PPARA: variants seen among roughly 807,000 people sequenced by gnomAD.
PPARA encodes peroxisome proliferator activated receptor alpha.
PPARA carries 22 observed loss-of-function variants against 42.2 expected under a neutral mutation model. The ratio of observed to expected loss-of-function variants is 0.52; its 90% CI spans 0.37 to 0.74. The LOEUF is 0.74. Among genes scored for constraint, PPARA ranks in the 30% least tolerant of loss-of-function variants. The pLI, the probability that PPARA is intolerant of heterozygous loss-of-function variation, is 0.00. For missense variants in PPARA, 465 were observed against 608.2 expected, an observed-to-expected ratio of 0.76 and a Z score of 2.48; for synonymous variants, 242 against 239.3, an observed-to-expected ratio of 1.01 and a Z score of -0.10.
At chr22:46,218,236 T>C (rs755862696) in intron 5 of PPARA, 27 bp from the exon 6 acceptor site, 2 of 1,613,940 alleles carry the variant, frequency 1.2e-6, no homozygotes, top group Admixed American at 3.3e-5. Context: ...CCCAGGTCTT[T>C]AAATCCACTG....
intron 2 of PPARA, among the ~76,000 whole-genome samples, chr22:46,170,484 A>G (rs1927845242): frequency 7.0e-6 from 1 of 143,348 alleles, no homozygotes; most frequent in African/African-American, 2.6e-5. Context: ...CCTGGACTCA[A>G]GGGATCAGCC....
chr22:46,181,730 C>T (rs564158685), intron 3 of PPARA, among the ~76,000 whole-genome samples: 1 of 152,226 alleles, frequency 6.6e-6, no homozygotes, highest in East Asian at 1.9e-4. Context: ...CCCTGGGCAT[C>T]CAGATCAGTT....
Position 46,182,740 on chromosome 22 carries a change from G to A in PPARA, c.-43+5904G>A, listed in dbSNP as rs1187492208. On this transcript the variant is annotated intron_variant, in intron 3 of 8. Transcript: ENST00000407236. This position sits in a 1 kb window ranked among gnomAD's most constrained non-coding sequence, Gnocchi z 5.2. ...CATGTCCATAAAGCTTTCTTTTGTT[G>A]TTTTGTTTTTATTTTATTTTTTGAG... is the stretch of plus-strand genomic sequence containing the variant. Among the ~76,000 whole-genome samples the A allele has an allele frequency of 6.6e-6, 1 of 152,038 alleles. No homozygotes were observed. The highest frequency in any genetic ancestry group is 1.5e-5 in the Non-Finnish European group (1 of 68,014).
intron 4 of PPARA, 61 bp downstream of exon 4, chr22:46,198,652 T>TTC (rs1192229505): frequency 9.4e-5 from 130 of 1,376,832 alleles, no homozygotes; most frequent in Admixed American, 3.3e-4. Flanking sequence ...AAGAAAACTG[T>TTC]TCTCTCTTTT....
At chr22:46,185,636 T>C (rs984761518) in intron 3 of PPARA, among the ~76,000 whole-genome samples, 11 of 151,764 alleles carry the variant, frequency 7.2e-5, no homozygotes, top group African/African-American at 2.7e-4. Flanking sequence ...GGCTCACATC[T>C]GTAATTCCAG....
In PPARA at chr22:46,198,667, T is replaced by A. The variant is rs570658611; in HGVS notation, c.208+76T>A. ...AAGAAAACTGTTCTCTCTTTTTTTT[T>A]TTTTTTTTTTTGAGACGGAGTCTCG... On this transcript the variant is annotated intron_variant, in intron 4 of 8. Coordinates refer to ENST00000407236, the MANE Select transcript of PPARA (RefSeq NM_005036.6). 7 of 1,397,406 alleles carry A rather than the reference T, an allele frequency of 5.0e-6. No homozygotes were observed. The South Asian group carries it at 8.3e-5, about 17-fold the overall frequency. 86.6% of individuals were successfully genotyped at this position (1,397,406 alleles called of 1,614,324 possible). A position where few individuals can be genotyped will look rare whatever the true frequency, so the allele number is the denominator to read the frequency against.
chr22:46,178,066 C>G (rs1929427308), intron 3 of PPARA, among the ~76,000 whole-genome samples: 1 of 151,282 alleles, frequency 6.6e-6, no homozygotes. Flanking sequence ...AGCCAAGGAA[C>G]TATATCAGAA....
chr22:46,173,282 G>A lies in PPARA; in HGVS notation c.-126-3471G>A, dbSNP rs188967797. ...ATTTGTTGTGTTGAATAGGAATGTA[G>A]CTCTGGGAACCTCTAGTTCCAAATA... On this transcript the variant is annotated intron_variant, in intron 2 of 8. Coordinates refer to ENST00000407236, the MANE Select transcript of PPARA (RefSeq NM_005036.6). This position sits in a 1 kb window ranked among gnomAD's most constrained non-coding sequence, Gnocchi z 4.3. Among the ~76,000 whole-genome samples, 2 of 152,304 alleles carry A rather than the reference G, an allele frequency of 1.3e-5. No homozygotes were observed. Among genetic ancestry groups the A allele is most frequent in the Admixed American group, 1.3e-4 (2 of 15,298 alleles).
rs1195520269 is a variant in PPARA at position 46,171,842 on chromosome 22, G to C, written c.-126-4911G>C. Among the ~76,000 whole-genome samples, 1 of 152,180 alleles carries C rather than the reference G, an allele frequency of 6.6e-6. No individual in the cohort carries two copies. Among genetic ancestry groups the C allele is most frequent in the Non-Finnish European group, 1.5e-5 (1 of 68,028 alleles). ...AAGGCCATGGGATGGGGACCAGCGA[G>C]GGCTTCTTAGGGGACTGGATATGCT... On this transcript the variant is annotated intron_variant, in intron 2 of 8. Coordinates refer to ENST00000407236, the MANE Select transcript of PPARA (RefSeq NM_005036.6). This position sits in a 1 kb window ranked among gnomAD's most constrained non-coding sequence, Gnocchi z 5.0.
Position 46,235,350 on chromosome 22 carries a change from A to G in PPARA, c.1377A>G (p.Leu459=), listed in dbSNP as rs1268205297. ...KTESDAALHP[L]LQEIYRDMY ...AGTCGGATGCTGCGCTGCACCCGCT[A>G]CTGCAGGAGATCTACAGGGACATGT... The change falls in exon 9 of 9, where the codon CTA becomes CTG. Residue 459 remains leucine, a synonymous_variant. Coordinates refer to ENST00000407236, the MANE Select transcript of PPARA (RefSeq NM_005036.6). This position sits in a 1 kb window ranked among gnomAD's most constrained non-coding sequence, Gnocchi z 7.0. 6.2e-7 allele frequency: 1 copy of G among 1,613,912 alleles called. No individual in the cohort carries two copies. The highest frequency in any genetic ancestry group is 8.5e-7 in the Non-Finnish European group (1 of 1,179,946).
rs4253683 is a variant in PPARA at position 46,184,144 on chromosome 22, A to G, written c.-43+7308A>G. ...CTATCATTATCAACATCTCTAATTT[A>G]TTGCAGGGTTGGATCTGAAAAATGG... On this transcript the variant is annotated intron_variant, in intron 3 of 8. Transcript: ENST00000407236. The surrounding 1 kb of genome is among the most constrained non-coding windows in gnomAD (Gnocchi z 4.4). 4.5e-3 allele frequency among the ~76,000 whole-genome samples: 689 copies of G among 152,308 alleles called. 5 individuals are homozygous for G. The highest frequency in any genetic ancestry group is 0.016 in the African/African-American group (658 of 41,564).
chr22:46,207,682 T>A (rs1411057487), intron 4 of PPARA, among the ~76,000 whole-genome samples: 6 of 113,206 alleles, frequency 5.3e-5, no homozygotes, highest in African/African-American at 2.3e-4. Flanking sequence ...TTATTATTTT[T>A]TTTTTTTTTT....
At chr22:46,218,824 A>G (rs1251471136) in intron 6 of PPARA, among the ~76,000 whole-genome samples, 1 of 139,010 alleles carries the variant, frequency 7.2e-6, no homozygotes, top group Non-Finnish European at 1.5e-5. Context: ...ACAGAGGGAG[A>G]TTCCGTCTCA....
rs1339079403 is a variant in PPARA, at chr22:46,187,220, G to A, written c.-43+10384G>A. 6.6e-6 allele frequency among the ~76,000 whole-genome samples: 1 copy of A among 152,204 alleles called. No individual in the cohort carries two copies. Among genetic ancestry groups the A allele is most frequent in the Non-Finnish European group, 1.5e-5 (1 of 68,040 alleles). On this transcript the variant is annotated intron_variant, in intron 3 of 8. Coordinates refer to ENST00000407236, the MANE Select transcript of PPARA (RefSeq NM_005036.6). The surrounding 1 kb of genome is among the most constrained non-coding windows in gnomAD (Gnocchi z 4.9). ...CAGAAGAGGAGACCTGGCTTACAGA[G>A]GTCAAGCCTCAGGTACCTTAAACAC...
intron 4 of PPARA, among the ~76,000 whole-genome samples, chr22:46,207,679 T>TATTATTATTA (rs1320080978): frequency 9.6e-6 from 1 of 104,150 alleles, no homozygotes; most frequent in African/African-American, 5.1e-5. Flanking sequence ...TTATTATTAT[T>TATTATTATTA]TTTTTTTTTT....
chr22:46,167,880 C>CA lies in PPARA; in HGVS notation c.-126-8861dup, dbSNP rs112365984. ...CAACATAACAAGAGTGGGTCTTTAC[C>CA]AAAAAAAAAAAATAAAAAGCCTGTG... On this transcript the variant is annotated intron_variant, in intron 2 of 8. Transcript: ENST00000407236. This position sits in a 1 kb window ranked among gnomAD's most constrained non-coding sequence, Gnocchi z 4.1. 0.027 allele frequency among the ~76,000 whole-genome samples: 3,744 copies of CA among 141,124 alleles called. 46 individuals are homozygous for CA. Among genetic ancestry groups the CA allele is most frequent in the Admixed American group, 0.048 (680 of 14,062 alleles). The allele number at this position is 141,124 out of a possible 152,430, so 92.6% of individuals were successfully genotyped here.
intron 7 of PPARA, chr22:46,220,336 ATAGG>A: frequency 2.7e-6 from 1 of 374,308 alleles, no homozygotes; most frequent in Non-Finnish European, 5.1e-6. Context: ...TTAAATAGAG[ATAGG>A]TTCTTGCTCT....
chr22:46,161,532 A>G lies in PPARA; in HGVS notation c.-127+9562A>G, dbSNP rs61439368. Among the ~76,000 whole-genome samples, 7,996 of 152,104 alleles carry G rather than the reference A, an allele frequency of 0.053. 699 individuals carry two copies. The highest frequency in any genetic ancestry group is 0.18 in the African/African-American group (7,543 of 41,470). On this transcript the variant is annotated intron_variant, in intron 2 of 8. Coordinates refer to ENST00000407236, the MANE Select transcript of PPARA (RefSeq NM_005036.6). This position sits in a 1 kb window ranked among gnomAD's most constrained non-coding sequence, Gnocchi z 4.8. ...ACCCGGGAGGCGGAGGCTGCAGTGA[A>G]CCAAGATTGTGCCACTGCACTCCAG... is the stretch of plus-strand genomic sequence containing the variant.
rs995668867 is a variant in PPARA, at chr22:46,195,815, C to A, written c.-42-2527C>A. Among the ~76,000 whole-genome samples, 1 of 152,278 alleles carries A rather than the reference C, an allele frequency of 6.6e-6. No individual in the cohort carries two copies. Among genetic ancestry groups the A allele is most frequent in the South Asian group, 2.1e-4 (1 of 4,824 alleles). ...AGCAGCACATACCCCCGAGCCTCTC[C>A]GTGGTGTGCGCCGTGGGCACCATGT... On this transcript the variant is annotated intron_variant, in intron 3 of 8. Coordinates refer to ENST00000407236, the MANE Select transcript of PPARA (RefSeq NM_005036.6). This position sits in a 1 kb window ranked among gnomAD's most constrained non-coding sequence, Gnocchi z 4.6.
Sources: gnomAD v4.1 joint callset for allele counts (sites outside exome capture counted in the v4.1 genomes callset) on GRCh38, gnomAD v4.1.1 for gene constraint, Gnocchi (gnomAD v3.1) non-coding constraint, MANE v1.5 for transcripts, NCBI Gene and HGNC (gene_info 2026-07-23, HGNC 2026-07-21) for gene names.